Variants in ANGPT2 observed in about 807,000 individuals in gnomAD.
ANGPT2 encodes the protein angiopoietin-2.
ANGPT2 carries 28 observed loss-of-function variants against 62.9 expected under a neutral mutation model. The observed-to-expected ratio is 0.44, with a 90% CI of 0.33 to 0.61. ANGPT2 has a LOEUF of 0.61. Ranked by LOEUF, ANGPT2 falls within the 20% of genes least tolerant of loss-of-function variation. ANGPT2 has a pLI of 0.03. For synonymous variants in ANGPT2, 284 were observed against 207.8 expected (o/e 1.37, Z -3.15); for missense variants, 727 against 594.9 (o/e 1.22, Z -2.31).
chr8:6,528,467 C>G (rs1173034937), intron 2 of ANGPT2, among the ~76,000 whole-genome samples: 1 of 152,162 alleles, frequency 6.6e-6, no homozygotes, highest in African/African-American at 2.4e-5. Flanking sequence ...CTGGGATTTC[C>G]TCATTTGTCA....
chr8:6,534,233 A>G (rs945490305), intron 1 of ANGPT2, among the ~76,000 whole-genome samples: 4 of 152,230 alleles, frequency 2.6e-5, no homozygotes, highest in Non-Finnish European at 4.4e-5. Context: ...ACAACAATAA[A>G]AAACAAAAAT....
chr8:6,551,618 G>A lies in ANGPT2; in HGVS notation c.288+11029C>T, dbSNP rs530651215. On this transcript the variant is annotated intron_variant, in intron 1 of 8. Coordinates refer to ENST00000629816, the MANE Select transcript of ANGPT2 (RefSeq NM_001118887.2). ...TCAACACTGTTAAGAACATGTCACT[G>A]GTGCAGTTAAGTTAAAAATGATTCA... Among the ~76,000 whole-genome samples the A allele has an allele frequency of 2.0e-5, 3 of 152,134 alleles. No homozygotes were observed. In the South Asian group the frequency reaches 6.2e-4, roughly 32 times the overall value.
chr8:6,503,336 C>T, intron 8 of ANGPT2, 75 bp from the exon 9 acceptor site: 2 of 1,537,552 alleles, frequency 1.3e-6, no homozygotes, highest in Non-Finnish European at 8.9e-7. Context: ...CAATACTCAG[C>T]TAAGGCAGGA....
chr8:6,534,331 C>T (rs897581922), intron 1 of ANGPT2, among the ~76,000 whole-genome samples: 23 of 151,974 alleles, frequency 1.5e-4, no homozygotes, highest in Non-Finnish European at 1.0e-4. Flanking sequence ...TTAGAGTATA[C>T]GAGAGGATGT....
At position 6,500,093 on chromosome 8, in the gene ANGPT2, G is replaced by T; in HGVS notation, c.*3008C>A. 4.6e-6 allele frequency: 3 copies of T among 659,066 alleles called. No homozygotes were observed. The highest frequency in any genetic ancestry group is 8.1e-6 in the Non-Finnish European group (3 of 369,192). 40.8% of individuals were successfully genotyped at this position (659,066 alleles called of 1,614,324 possible). A position where few individuals can be genotyped will look rare whatever the true frequency, so the allele number is the denominator to read the frequency against. The stretch of plus-strand genomic sequence containing the variant: ...ACACCTTTTATCAATTTATTCGCGA[G>T]AACAAATGTGAGAACGTGAGACCAT... On this transcript the variant is annotated 3_prime_UTR_variant, in exon 9 of 9. Transcript: ENST00000629816.
intron 8 of ANGPT2, chr8:6,508,731 G>A (rs912437517): frequency 9.7e-6 from 7 of 723,090 alleles, no homozygotes; most frequent in Non-Finnish European, 1.6e-5. Flanking sequence ...TTGCTGACAA[G>A]TCTAGCTCCA....
chr8:6,549,573 G>A (rs942712447), intron 1 of ANGPT2, among the ~76,000 whole-genome samples: 5 of 151,788 alleles, frequency 3.3e-5, no homozygotes, highest in Non-Finnish European at 5.9e-5. Flanking sequence ...AGGGAGCCGC[G>A]TGCAGGGCGG....
chr8:6,544,978 A>G (rs371255672), intron 1 of ANGPT2, among the ~76,000 whole-genome samples: 9 of 152,238 alleles, frequency 5.9e-5, no homozygotes, highest in East Asian at 5.8e-4. Context: ...GGAGACTGGT[A>G]TGATGAGCTC....
At chr8:6,551,005 A>G (rs1823549118) in intron 1 of ANGPT2, among the ~76,000 whole-genome samples, 1 of 152,214 alleles carries the variant, frequency 6.6e-6, no homozygotes, top group Non-Finnish European at 1.5e-5. Context: ...AGAACCCTGT[A>G]GACTTTTGAA....
intron 1 of ANGPT2, among the ~76,000 whole-genome samples, chr8:6,540,593 A>G (rs1821359985): frequency 6.6e-6 from 1 of 152,228 alleles, no homozygotes; most frequent in African/African-American, 2.4e-5. Context: ...AGACGTTGTC[A>G]GGCCACGTCT....
intron 1 of ANGPT2, among the ~76,000 whole-genome samples, chr8:6,554,106 T>C (rs758167691): frequency 8.0e-5 from 12 of 149,794 alleles, no homozygotes; most frequent in Non-Finnish European, 1.8e-4. Flanking sequence ...CAGGGAGATA[T>C]GGGTGGTATC....
chr8:6,552,409 A>G (rs889056852), intron 1 of ANGPT2, among the ~76,000 whole-genome samples: 1 of 152,228 alleles, frequency 6.6e-6, no homozygotes, highest in Non-Finnish European at 1.5e-5. Flanking sequence ...TTACACACAC[A>G]CTTACGATGG....
At chr8:6,515,182 C>G (rs1203497706) in intron 5 of ANGPT2, among the ~76,000 whole-genome samples, 3 of 150,644 alleles carry the variant, frequency 2.0e-5, no homozygotes, top group African/African-American at 7.3e-5. Flanking sequence ...CTTGTGTTCA[C>G]AGCCTTGAAA....
chr8:6,550,780 T>A (rs1823510099), intron 1 of ANGPT2, among the ~76,000 whole-genome samples: 1 of 152,236 alleles, frequency 6.6e-6, no homozygotes, highest in African/African-American at 2.4e-5. Context: ...TGGAGTTTCT[T>A]ACCCATATAG....
intron 5 of ANGPT2, among the ~76,000 whole-genome samples, chr8:6,517,360 C>A (rs1816462118): frequency 1.3e-5 from 2 of 152,268 alleles, no homozygotes; most frequent in Admixed American, 6.5e-5. Flanking sequence ...AAATAGCAAA[C>A]CATAGAGACA....
chr8:6,533,381 A>G (rs1216470360), intron 1 of ANGPT2, among the ~76,000 whole-genome samples: 1 of 152,180 alleles, frequency 6.6e-6, no homozygotes, highest in Non-Finnish European at 1.5e-5. Flanking sequence ...TTGGGCTTGG[A>G]GCCAGGGAAG....
intron 1 of ANGPT2, among the ~76,000 whole-genome samples, chr8:6,538,527 G>A (rs1007572716): frequency 2.2e-4 from 33 of 152,234 alleles, no homozygotes; most frequent in African/African-American, 7.5e-4. Context: ...CTGATCTTGT[G>A]GGCCTCAGAC....
chr8:6,505,321 TTATATACATATAGAAAGAA>T (rs1480023194), intron 8 of ANGPT2, among the ~76,000 whole-genome samples: 3,665 of 67,334 alleles, frequency 0.054, 580 homozygotes, highest in African/African-American at 0.15. Flanking sequence ...CATATATATG[TTATATACATATAGAAAGAA>T]TATATATATT....
intron 3 of ANGPT2, among the ~76,000 whole-genome samples, chr8:6,525,118 C>T (rs764753131): frequency 6.6e-6 from 1 of 152,180 alleles, no homozygotes; most frequent in Non-Finnish European, 1.5e-5. Context: ...ACTCTTTAAC[C>T]CTGCAAACAA....
Sources: gnomAD v4.1 joint callset for allele counts (sites outside exome capture counted in the v4.1 genomes callset) on GRCh38, gnomAD v4.1.1 for gene constraint, MANE v1.5 for transcripts, NCBI Gene and HGNC (gene_info 2026-07-23, HGNC 2026-07-21) for gene names.